Variants in CAPN14 observed in about 807,000 individuals in gnomAD.
CAPN14 encodes the protein calpain-14.
CAPN14 carries 94 observed loss-of-function variants against 101.3 expected under a neutral mutation model. The observed-to-expected ratio is 0.93, with a 90% confidence interval of 0.79 to 1.10. The LOEUF is 1.10. CAPN14 is among the 50% of genes least tolerant of loss of function. The probability of loss-of-function intolerance (pLI) is 0.00; values close to 1 mark genes in which losing one functional copy is unlikely to be tolerated. For synonymous variants in CAPN14, 338 were observed against 317.9 expected, an observed-to-expected ratio of 1.06 and a Z score of -0.67; for missense variants, 837 against 828.4, an observed-to-expected ratio of 1.01 and a Z score of -0.13.
intron 1 of CAPN14, among the ~76,000 whole-genome samples, chr2:31,231,732 T>C (rs1019120587): frequency 1.4e-4 from 21 of 152,308 alleles, no homozygotes; most frequent in Admixed American, 5.9e-4. Flanking sequence ...CCTTGATTTC[T>C]TTCCTGTCAC....
chr2:31,226,047 T>C (rs76154937), intron 2 of CAPN14, among the ~76,000 whole-genome samples: 3,983 of 152,276 alleles, frequency 0.026, 82 homozygotes, highest in Middle Eastern at 0.044. Flanking sequence ...GGCAAATAAC[T>C]CATGGAAACA....
chr2:31,231,932 G>A (rs557780889), intron 1 of CAPN14, among the ~76,000 whole-genome samples: 13 of 152,310 alleles, frequency 8.5e-5, no homozygotes, highest in Admixed American at 2.0e-4. Flanking sequence ...CCTTAGGTTC[G>A]TATGTTGGTA....
At chr2:31,191,264 A>G in intron 12 of CAPN14, 135 bp downstream of exon 12, 1 of 863,050 alleles carries the variant, frequency 1.2e-6, no homozygotes, top group African/African-American at 1.7e-5. Flanking sequence ...CAGCGGGCAG[A>G]CATTCTCATC....
rs1683171528 is a variant in CAPN14 at position 31,230,916 on chromosome 2, A to C, written c.-177+2875T>G. Among the ~76,000 whole-genome samples the C allele has an allele frequency of 6.6e-6, 1 of 152,168 alleles. No homozygotes were observed. Among genetic ancestry groups the C allele is most frequent in the Non-Finnish European group, 1.5e-5 (1 of 68,044 alleles). On this transcript the variant is annotated intron_variant and NMD_transcript_variant, in intron 1 of 21. Coordinates refer to the CAPN14 transcript ENST00000398824. This position sits in a 1 kb window ranked among gnomAD's most constrained non-coding sequence, Gnocchi z 4.3. ...CCTGACTTTGTGGTGATATATATGC[A>C]ATCTCTATTGCAACTTCTGTATATG...
At chr2:31,219,604 A>G (rs149829707), upstream of CAPN14, among the ~76,000 whole-genome samples, 1 of 152,188 alleles carries the variant, frequency 6.6e-6, no homozygotes, top group Non-Finnish European at 1.5e-5. Context: ...GCTCAGGAGC[A>G]GTAGAACCGG....
intron 1 of CAPN14, among the ~76,000 whole-genome samples, chr2:31,229,407 T>A (rs1259666337): frequency 6.6e-6 from 1 of 152,124 alleles, no homozygotes; most frequent in Admixed American, 6.5e-5. Flanking sequence ...AGGACCAGAT[T>A]TTTTTTAAAA....
chr2:31,193,440 G>T, intron 9 of CAPN14, 146 bp from the exon 10 acceptor site: 2 of 756,698 alleles, frequency 2.6e-6, no homozygotes, highest in Non-Finnish European at 4.2e-6. Flanking sequence ...CTGAGCTGAC[G>T]ATAGGCACAT....
chr2:31,230,199 C>G lies in CAPN14; in HGVS notation c.-176-3548G>C, dbSNP rs148412779. 5.6e-3 allele frequency among the ~76,000 whole-genome samples: 847 copies of G among 152,302 alleles called. 8 individuals are homozygous for G. The highest frequency in any genetic ancestry group is 0.019 in the African/African-American group (806 of 41,562). ...CCTTCCTCCCACCCTCCACCCTCAA[C>G]TAGACCCCAGTGTGGTATATATTTT... On this transcript the variant is annotated intron_variant and NMD_transcript_variant, in intron 1 of 21. Transcript: ENST00000398824. This position sits in a 1 kb window ranked among gnomAD's most constrained non-coding sequence, Gnocchi z 4.3.
chr2:31,225,391 T>G (rs776716527), intron 2 of CAPN14, among the ~76,000 whole-genome samples: 1 of 152,078 alleles, frequency 6.6e-6, no homozygotes, highest in Non-Finnish European at 1.5e-5. Flanking sequence ...GTAGGAACTC[T>G]GATATCATTG....
rs1680337656 is a variant in CAPN14, at chr2:31,177,087, G to A, written c.1911C>T (p.Pro637=). Reference sequence around the variant, plus strand: ...AACTGACAAAGTCCATCTGGAGGCGGGGGCCGCCGTAGCGGATGAGCATCA... The same window carrying A: ...AACTGACAAAGTCCATCTGGAGGCGAGGGCCGCCGTAGCGGATGAGCATCA... ...CQLMLIRYGG[P]RLQMDFVSFI... The change falls in exon 20 of 22, where the codon CCC becomes CCT. Residue 637 remains proline (P), a synonymous_variant. Transcript: ENST00000403897. 6.4e-7 allele frequency: 1 copy of A among 1,551,410 alleles called. No individual in the cohort carries two copies.
chr2:31,177,096 G>T lies in CAPN14; in HGVS notation c.1902C>A (p.Tyr634Ter), dbSNP rs776502839. Residue 634 changes from tyrosine (Y) to a stop codon, truncating the protein, a stop_gained, in exon 20 of 22, where the codon TAC becomes TAA. Transcript: ENST00000403897. LOFTEE classifies it high-confidence loss of function. ...DDVCQLMLIRYGGPRLQMDFV... is the reference protein window; with the variant it reads ...DDVCQLMLIR ...AGTCCATCTGGAGGCGGGGGCCGCC[G>T]TAGCGGATGAGCATCAGCTGACAGA... 5.2e-6 allele frequency: 8 copies of T among 1,551,204 alleles called. No individual in the cohort carries two copies. The highest frequency in any genetic ancestry group is 7.0e-6 in the Non-Finnish European group (8 of 1,146,734).
At chr2:31,179,059 TC>T (rs1680454140) in intron 17 of CAPN14, among the ~76,000 whole-genome samples, 1 of 92,684 alleles carries the variant, frequency 1.1e-5, no homozygotes, top group African/African-American at 6.7e-5. Flanking sequence ...TTTATTGAGT[TC>T]TATATATATA....
chr2:31,178,772 A>C (rs956767959), intron 17 of CAPN14, among the ~76,000 whole-genome samples, 193 bp from the exon 18 acceptor site: 4 of 152,034 alleles, frequency 2.6e-5, no homozygotes, highest in African/African-American at 9.7e-5. Flanking sequence ...TGCTAGGAAA[A>C]AACAGAATGA....
At chr2:31,195,308 C>T (rs1024277049) in intron 8 of CAPN14, among the ~76,000 whole-genome samples, 9 of 152,196 alleles carry the variant, frequency 5.9e-5, no homozygotes, top group African/African-American at 2.2e-4. Flanking sequence ...TCAGGCATTC[C>T]TACCGGACAG....
chr2:31,232,449 C>T (rs916590821), intron 1 of CAPN14, among the ~76,000 whole-genome samples: 2 of 152,190 alleles, frequency 1.3e-5, no homozygotes, highest in Non-Finnish European at 2.9e-5. Context: ...CGTCTGTTTT[C>T]ACACTGCTGT....
At position 31,189,272 on chromosome 2, in the gene CAPN14, C is replaced by G; in HGVS notation, c.1493+1G>C. ...CTCTAGGAGAGACCTTGTGTCCTTACTAAAAGATGTGCTTCCTGGAGAAGA... is the reference window on the plus strand; with the variant it reads ...CTCTAGGAGAGACCTTGTGTCCTTAGTAAAAGATGTGCTTCCTGGAGAAGA... On this transcript the variant is annotated splice_donor_variant, in intron 13 of 21. Transcript: ENST00000403897. LOFTEE classifies it high-confidence loss of function. 2 of 1,550,804 alleles carry G rather than the reference C, an allele frequency of 1.3e-6. No homozygotes were observed. The highest frequency in any genetic ancestry group is 1.2e-5 in the South Asian group (1 of 84,014).
At chr2:31,204,432 G>A (rs909688482) in intron 2 of CAPN14, among the ~76,000 whole-genome samples, 7 of 152,082 alleles carry the variant, frequency 4.6e-5, no homozygotes, top group East Asian at 1.9e-4. Flanking sequence ...GTGGTCCCTA[G>A]GTAGCTTCAG....
At chr2:31,228,732 T>C (rs1441760884) in intron 1 of CAPN14, among the ~76,000 whole-genome samples, 1 of 152,234 alleles carries the variant, frequency 6.6e-6, no homozygotes, top group African/African-American at 2.4e-5. Context: ...ACACTTTCAA[T>C]GGCACTTTAC....
chr2:31,221,320 G>A (rs1168417568), upstream of CAPN14, among the ~76,000 whole-genome samples: 1 of 152,180 alleles, frequency 6.6e-6, no homozygotes, highest in Non-Finnish European at 1.5e-5. Context: ...TTGGGGACAG[G>A]GCTGTGAGCC....
Sources: gnomAD v4.1 joint callset for allele counts (sites outside exome capture counted in the v4.1 genomes callset) on GRCh38, gnomAD v4.1.1 for gene constraint, Gnocchi (gnomAD v3.1) non-coding constraint, MANE v1.5 for transcripts, NCBI Gene and HGNC (gene_info 2026-07-23, HGNC 2026-07-21) for gene names.